Variants in MAPKAP1 observed in about 807,000 individuals in gnomAD.
MAPKAP1 encodes target of rapamycin complex 2 subunit MAPKAP1.
A neutral mutation model predicts 65.7 loss-of-function variants in MAPKAP1; 20 were observed. The ratio of observed to expected loss-of-function variants is 0.30; its 90% CI spans 0.21 to 0.44. MAPKAP1 has a LOEUF of 0.44. Among genes scored for constraint, MAPKAP1 ranks in the 20% least tolerant of loss-of-function variants. The probability of loss-of-function intolerance (pLI) is 1.00; values close to 1 mark genes in which losing one functional copy is unlikely to be tolerated. For missense variants in MAPKAP1, 423 were observed against 648.0 expected (o/e 0.65, Z 3.77); for synonymous variants, 222 against 244.3 (o/e 0.91, Z 0.85).
At chr9:125,446,290 T>C (rs751019957) in intron 10 of MAPKAP1, among the ~76,000 whole-genome samples, 6 of 152,196 alleles carry the variant, frequency 3.9e-5, no homozygotes, top group African/African-American at 9.7e-5. Flanking sequence ...AAATCCTAAA[T>C]TGAAAAAATT....
rs370327720 is a variant in MAPKAP1 at position 125,438,884 on chromosome 9, G to C, written c.*3C>G. The C allele has an allele frequency of 1.4e-4, 218 of 1,614,088 alleles. No individual in the cohort carries two copies. The highest frequency in any genetic ancestry group is 3.3e-4 in the Middle Eastern group (2 of 6,076). On this transcript the variant is annotated 3_prime_UTR_variant, in exon 12 of 12. Coordinates refer to ENST00000265960, the MANE Select transcript of MAPKAP1 (RefSeq NM_001006617.3). The stretch of plus-strand genomic sequence containing the variant: ...CGGAACAGATTGAGGCTGGAGGCCA[G>C]TGTCACTGCTGCCCGGATTTCTTCT...
Position 125,438,930 on chromosome 9 carries a change from G to A in MAPKAP1, c.1526C>T (p.Thr509Met), listed in dbSNP as rs1369730858. 10 of 1,614,104 alleles carry A rather than the reference G, an allele frequency of 6.2e-6. No homozygotes were observed. Among genetic ancestry groups the A allele is most frequent in the Admixed American group, 3.3e-5 (2 of 60,012 alleles). Reference protein sequence around the residue: ...AQKQRKLNRRTSFSFQKEKKS... With the variant: ...AQKQRKLNRRMSFSFQKEKKS... Reference sequence around the variant, plus strand: ...CTTCTCCTTCTGGAAGCTGAAGCTCGTACGTCTGTTCAGTTTTCTTTGTTT... The same window carrying A: ...CTTCTCCTTCTGGAAGCTGAAGCTCATACGTCTGTTCAGTTTTCTTTGTTT... Residue 509 changes from threonine to methionine, a missense_variant, in exon 12 of 12, where the codon ACG (threonine) becomes ATG (methionine). Physicochemically the swap from Thr to Met is moderately conservative, Grantham distance 81. Transcript: ENST00000265960.
chr9:125,549,551 G>A (rs1830525172), intron 6 of MAPKAP1, among the ~76,000 whole-genome samples: 2 of 152,168 alleles, frequency 1.3e-5, no homozygotes, highest in Admixed American at 1.3e-4. Context: ...CGTACTGTGG[G>A]AGCATGCGAT....
chr9:125,703,229 G>A (rs923198679), intron 1 of MAPKAP1, among the ~76,000 whole-genome samples: 1 of 152,194 alleles, frequency 6.6e-6, no homozygotes, highest in African/African-American at 2.4e-5. Flanking sequence ...AACAGGCATC[G>A]GACTTGGAGA....
At chr9:125,565,612 A>C (rs545320) in intron 5 of MAPKAP1, 330,334 of 354,748 alleles carry the variant, frequency 0.93, 154,920 homozygotes, top group East Asian at 1. Context: ...AGAAGCTGAT[A>C]TCTCTGAAAT....
At chr9:125,700,772 T>C (rs1835571497) in intron 1 of MAPKAP1, among the ~76,000 whole-genome samples, 1 of 152,218 alleles carries the variant, frequency 6.6e-6, no homozygotes, top group African/African-American at 2.4e-5. Flanking sequence ...TGAAAACAAG[T>C]ATCTACAAGA....
At chr9:125,538,188 A>G (rs1414499936) in intron 7 of MAPKAP1, among the ~76,000 whole-genome samples, 2 of 152,220 alleles carry the variant, frequency 1.3e-5, no homozygotes, top group South Asian at 4.1e-4. Context: ...GCTCTGACTC[A>G]TATTTTAAAA....
At chr9:125,676,270 T>C (rs1369249370) in intron 1 of MAPKAP1, among the ~76,000 whole-genome samples, 1 of 152,202 alleles carries the variant, frequency 6.6e-6, no homozygotes, top group African/African-American at 2.4e-5. Flanking sequence ...AAGGAGATAA[T>C]TGTGTAAAAT....
intron 4 of MAPKAP1, among the ~76,000 whole-genome samples, chr9:125,611,642 T>C (rs1832603509): frequency 6.6e-6 from 1 of 152,106 alleles, no homozygotes; most frequent in Admixed American, 6.6e-5. Context: ...CAAAATGAAA[T>C]TGCATCTATA....
intron 1 of MAPKAP1, among the ~76,000 whole-genome samples, chr9:125,702,989 C>T (rs1835649287): frequency 6.6e-6 from 1 of 152,152 alleles, no homozygotes; most frequent in Non-Finnish European, 1.5e-5. Flanking sequence ...CGAAACTGCA[C>T]TCTAGCCTGA....
chr9:125,494,538 C>G (rs868747334), intron 8 of MAPKAP1, among the ~76,000 whole-genome samples: 1 of 152,144 alleles, frequency 6.6e-6, no homozygotes, highest in South Asian at 2.1e-4. Context: ...ATGAGGTAGT[C>G]AGAAAGAAAC....
At chr9:125,607,845 G>A (rs1188657482) in intron 4 of MAPKAP1, among the ~76,000 whole-genome samples, 6 of 152,072 alleles carry the variant, frequency 3.9e-5, no homozygotes, top group Admixed American at 1.3e-4. Flanking sequence ...TAGTAGAGAC[G>A]GGGTTTCACC....
chr9:125,665,832 A>G (rs1179004666), intron 3 of MAPKAP1, among the ~76,000 whole-genome samples: 1 of 152,154 alleles, frequency 6.6e-6, no homozygotes, highest in African/African-American at 2.4e-5. Flanking sequence ...GTTACACAAA[A>G]CTTCAGGTAC....
At chr9:125,691,682 G>A (rs975704325) in intron 1 of MAPKAP1, among the ~76,000 whole-genome samples, 49 of 150,812 alleles carry the variant, frequency 3.2e-4, no homozygotes, top group African/African-American at 1.2e-3. Context: ...AACAGAAGCT[G>A]GAAAAAAAAA....
intron 10 of MAPKAP1, among the ~76,000 whole-genome samples, chr9:125,457,011 C>CAAT (rs1253665863): frequency 5.0e-5 from 7 of 141,374 alleles, no homozygotes; most frequent in Non-Finnish European, 7.6e-5. Flanking sequence ...TTTTTTGAGA[C>CAAT]AGAGTCTCAC....
At chr9:125,686,353 T>TAA (rs1360153169) in intron 1 of MAPKAP1, among the ~76,000 whole-genome samples, 2 of 144,350 alleles carry the variant, frequency 1.4e-5, no homozygotes, top group African/African-American at 5.1e-5. Flanking sequence ...GAAAAAAGAA[T>TAA]AAAAAAAAGA....
chr9:125,464,140 G>A (rs1853593459), intron 10 of MAPKAP1, among the ~76,000 whole-genome samples: 1 of 140,662 alleles, frequency 7.1e-6, no homozygotes, highest in African/African-American at 2.6e-5. Context: ...GAGGTGGGAG[G>A]ATCACTTGAG....
intron 7 of MAPKAP1, among the ~76,000 whole-genome samples, chr9:125,517,432 C>G (rs1829494905): frequency 6.6e-6 from 1 of 152,172 alleles, no homozygotes; most frequent in Non-Finnish European, 1.5e-5. Flanking sequence ...TACAGACTTA[C>G]TGCCTCAATC....
chr9:125,698,072 A>G (rs187582581), intron 1 of MAPKAP1, among the ~76,000 whole-genome samples: 13 of 151,638 alleles, frequency 8.6e-5, no homozygotes, highest in Non-Finnish European at 1.5e-4. Flanking sequence ...CCAAAAAAAA[A>G]GTAATAGTGC....
Sources: allele counts gnomAD v4.1 joint callset (sites outside exome capture counted in the v4.1 genomes callset), GRCh38; gene constraint gnomAD v4.1.1; transcripts MANE v1.5; gene names NCBI Gene and HGNC (gene_info 2026-07-23, HGNC 2026-07-21).